The following ZNF738 variants were observed in gnomAD, a reference collection of about 807,000 sequenced individuals.
ZNF738 encodes protein ZNF738.
Under a neutral mutation model 9.2 loss-of-function variants are expected in ZNF738, and 10 were observed. That is an observed-to-expected ratio of 1.09 (90% CI 0.67 to 1.85). The LOEUF (loss-of-function observed/expected upper bound fraction) is 1.85. Ranked by LOEUF, ZNF738 falls within the 40% of genes most tolerant of loss-of-function variation. ZNF738 has a pLI of 0.00. For synonymous variants in ZNF738, 113 were observed against 94.5 expected (o/e 1.20, Z -1.14); for missense variants, 346 against 283.6 (o/e 1.22, Z -1.58).
intron 4 of ZNF738, chr19:21,378,485 T>C (rs912487960): frequency 9.2e-6 from 2 of 217,736 alleles, no homozygotes; most frequent in African/African-American, 4.7e-5. Flanking sequence ...GATGGTATTA[T>C]ACTCACTTGA....
chr19:21,368,553 C>A (rs922456050), intron 2 of ZNF738, among the ~76,000 whole-genome samples: 7 of 152,008 alleles, frequency 4.6e-5, no homozygotes, highest in Non-Finnish European at 1.0e-4. Flanking sequence ...CTCAGCCTCC[C>A]AGGTTCAAAC....
At chr19:21,360,833 T>G (rs1186453623) in intron 1 of ZNF738, among the ~76,000 whole-genome samples, 1 of 64,898 alleles carries the variant, frequency 1.5e-5, no homozygotes, top group Non-Finnish European at 3.5e-5. Context: ...GCTTTTTTCT[T>G]TTCTTTTTTT....
At chr19:21,370,166 A>G (rs1324027245) in intron 2 of ZNF738, among the ~76,000 whole-genome samples, 1 of 152,150 alleles carries the variant, frequency 6.6e-6, no homozygotes, top group East Asian at 1.9e-4. Context: ...TTTATCTTTA[A>G]TTGTGTTTAC....
intron 2 of ZNF738, 75 bp downstream of exon 2, chr19:21,361,933 T>C: frequency 1.5e-6 from 1 of 662,830 alleles, no homozygotes; most frequent in Non-Finnish European, 2.8e-6. Context: ...ACAAAAAACT[T>C]AGCCAAGCAT....
rs192371901 is a variant in ZNF738 at position 21,384,737 on chromosome 19, T to C, written c.*1063T>C. Among the ~76,000 whole-genome samples, 98 of 152,352 alleles carry C rather than the reference T, an allele frequency of 6.4e-4. No individual in the cohort carries two copies. Among genetic ancestry groups the C allele is most frequent in the African/African-American group, 2.2e-3 (91 of 41,576 alleles). On this transcript the variant is annotated 3_prime_UTR_variant, in exon 5 of 5. Coordinates refer to ENST00000683779, the MANE Select transcript of ZNF738 (RefSeq NM_001355237.2). ...TTACTAGACATAAGAGAGTTCATAC[T>C]GGAGAGAAACCCTACAAATGTGAAG...
intron 4 of ZNF738, among the ~76,000 whole-genome samples, chr19:21,380,145 C>G (rs1255404099): frequency 6.6e-6 from 1 of 152,084 alleles, no homozygotes; most frequent in African/African-American, 2.4e-5. Context: ...CAATGAGGAC[C>G]ACATTCCAAA....
At position 21,388,021 on chromosome 19, in the gene ZNF738, T is replaced by A. The variant is rs1023017630; in HGVS notation, c.*4347T>A. Among the ~76,000 whole-genome samples the A allele has an allele frequency of 1.3e-5, 2 of 152,058 alleles. No individual in the cohort carries two copies. The highest frequency in any genetic ancestry group is 2.9e-5 in the Non-Finnish European group (2 of 67,992). ...AAAATGAAAAAATATTTAATCCAAA[T>A]TAGGGCTATGTAAATATCAGAATTT... On this transcript the variant is annotated 3_prime_UTR_variant, in exon 5 of 5. Transcript: ENST00000683779.
intron 1 of ZNF738, among the ~76,000 whole-genome samples, chr19:21,359,385 CTG>C (rs754274058): frequency 1.3e-5 from 2 of 152,230 alleles, no homozygotes; most frequent in Non-Finnish European, 2.9e-5. Context: ...GGAGCCCTCT[CTG>C]GGGAATCTCT....
chr19:21,385,556 A>C lies in ZNF738; in HGVS notation c.*1882A>C, dbSNP rs368744754. Among the ~76,000 whole-genome samples the C allele has an allele frequency of 1.3e-5, 2 of 152,198 alleles. No individual in the cohort carries two copies. Among genetic ancestry groups the C allele is most frequent in the African/African-American group, 2.4e-5 (1 of 41,450 alleles). On this transcript the variant is annotated 3_prime_UTR_variant, in exon 5 of 5. Coordinates refer to ENST00000683779, the MANE Select transcript of ZNF738 (RefSeq NM_001355237.2). ...GAGAAAGCTCTTAACCAGTCCTCACACCTTACTGCACATAAGAGAAATCAT... is the reference window on the plus strand; with the variant it reads ...GAGAAAGCTCTTAACCAGTCCTCACCCCTTACTGCACATAAGAGAAATCAT...
chr19:21,376,563 T>C (rs1973931094), intron 4 of ZNF738: 1 of 152,802 alleles, frequency 6.5e-6, no homozygotes, highest in African/African-American at 2.4e-5. Flanking sequence ...GTTTTGTTTT[T>C]TGTTTTGAGA....
chr19:21,365,587 C>T (rs113632844), intron 2 of ZNF738, among the ~76,000 whole-genome samples: 7 of 152,176 alleles, frequency 4.6e-5, no homozygotes, highest in African/African-American at 1.4e-4. Flanking sequence ...CGGAACTCAT[C>T]AGTATGTGAG....
chr19:21,367,059 A>C (rs2968028), intron 2 of ZNF738, among the ~76,000 whole-genome samples: 152,216 of 152,298 alleles, frequency 1, 76,069 homozygotes, highest in Non-Finnish European at 1. Flanking sequence ...CTGTGTCTGG[A>C]TGTGTAATAA....
At chr19:21,375,210 A>AAT (rs1246343497) in intron 2 of ZNF738, 28 bp from the exon 3 acceptor site, 8 of 791,430 alleles carry the variant, frequency 1.0e-5, no homozygotes, top group Admixed American at 6.3e-5. Context: ...GACACTTGTA[A>AAT]ATATGTGTGT....
chr19:21,368,231 T>A (rs1187764341), intron 2 of ZNF738, among the ~76,000 whole-genome samples: 4 of 152,200 alleles, frequency 2.6e-5, no homozygotes, highest in African/African-American at 9.7e-5. Flanking sequence ...TTTTTTCTGA[T>A]CCTCTTTGTC....
rs1974025519 is a variant in ZNF738, at chr19:21,383,123, A to G, written c.577A>G (p.Thr193Ala). The change falls in exon 5 of 5, where the codon ACA becomes GCA. Residue 193 changes from threonine to alanine, a missense_variant. Transcript: ENST00000683779. ...CTTTCATAAATTTTTAAATTCAAAT[A>G]CACATAAGACAAGACATACTGGAAA... Reference protein sequence around the residue: ...KVFHKFLNSNTHKTRHTGKKP... With the variant: ...KVFHKFLNSNAHKTRHTGKKP... 5 of 1,565,120 alleles carry G rather than the reference A, an allele frequency of 3.2e-6. No individual in the cohort carries two copies. Among genetic ancestry groups the G allele is most frequent in the African/African-American group, 1.4e-5 (1 of 73,832 alleles).
rs1032166737 is a variant in ZNF738 at position 21,387,938 on chromosome 19, A to G, written c.*4264A>G. 6.6e-6 allele frequency among the ~76,000 whole-genome samples: 1 copy of G among 152,190 alleles called. No individual in the cohort carries two copies. Among genetic ancestry groups the G allele is most frequent in the African/African-American group, 2.4e-5 (1 of 41,456 alleles). ...ATAAATGTGGAAAAACACTTTTTCA[A>G]AAACTACATCAGAAAACACCAGAGT... On this transcript the variant is annotated 3_prime_UTR_variant, in exon 5 of 5. Transcript: ENST00000683779.
intron 4 of ZNF738, among the ~76,000 whole-genome samples, chr19:21,379,996 A>G (rs1973985123): frequency 6.6e-6 from 1 of 152,212 alleles, no homozygotes; most frequent in Non-Finnish European, 1.5e-5. Context: ...TAACTAAGTA[A>G]CAAAAGGAAC....
At position 21,359,021 on chromosome 19, in the gene ZNF738, T is replaced by C. The variant is rs1973644230; in HGVS notation, c.-120T>C. ...CTTTGTCTTTGGCTGCCGCTGGAAC[T>C]CCGGGTCTCGTCTTCACTGCTCTGT... On this transcript the variant is annotated 5_prime_UTR_variant, in exon 1 of 5. Transcript: ENST00000683779. 1.3e-6 allele frequency: 1 copy of C among 776,704 alleles called. No homozygotes were observed. Among genetic ancestry groups the C allele is most frequent in the Admixed American group, 1.7e-5 (1 of 57,614 alleles). 48.1% of individuals were successfully genotyped at this position (776,704 alleles called of 1,614,324 possible). A position where few individuals can be genotyped will look rare whatever the true frequency, so the allele number is the denominator to read the frequency against.
intron 2 of ZNF738, among the ~76,000 whole-genome samples, chr19:21,366,963 A>C (rs2914642): frequency 0.013 from 2,027 of 152,104 alleles, 55 homozygotes; most frequent in African/African-American, 0.043. Flanking sequence ...AGAATACCTA[A>C]CCATCTGGAA....
Sources: allele counts gnomAD v4.1 joint callset (sites outside exome capture counted in the v4.1 genomes callset), GRCh38; gene constraint gnomAD v4.1.1; transcripts MANE v1.5; gene names NCBI Gene and HGNC (gene_info 2026-07-23, HGNC 2026-07-21).